GNAL: variants seen among roughly 807,000 people sequenced by gnomAD.
The protein encoded by GNAL is guanine nucleotide-binding protein G(olf) subunit alpha.
In GNAL, 18 loss-of-function variants were observed where a neutral mutation model predicts 55.1. The ratio of observed to expected loss-of-function variants is 0.33; its 90% CI spans 0.23 to 0.48. The LOEUF is 0.48. GNAL is among the 20% of genes least tolerant of loss of function. The probability of loss-of-function intolerance (pLI) is 0.99; values close to 1 mark genes in which losing one functional copy is unlikely to be tolerated. For synonymous variants in GNAL, 253 were observed against 237.0 expected, an observed-to-expected ratio of 1.07 and a Z score of -0.62; for missense variants, 412 against 614.1, an observed-to-expected ratio of 0.67 and a Z score of 3.48.
rs779034939 is a variant in GNAL, at chr18:11,868,508, C to A, written c.911-35C>A. 1.3e-6 allele frequency: 2 copies of A among 1,587,376 alleles called. No homozygotes were observed. Among genetic ancestry groups the A allele is most frequent in the South Asian group, 1.1e-5 (1 of 88,046 alleles). On this transcript the variant is annotated intron_variant, in intron 8 of 11. Transcript: ENST00000334049. The surrounding 1 kb of genome is among the most constrained non-coding windows in gnomAD (Gnocchi z 4.0). ...TCTTGTAACTCCACAGTGAGGATGTCTAACTGAGGTGCTTTCCTTTTTCTC... is the reference window on the plus strand; with the variant it reads ...TCTTGTAACTCCACAGTGAGGATGTATAACTGAGGTGCTTTCCTTTTTCTC...
intron 4 of GNAL, among the ~76,000 whole-genome samples, chr18:11,808,785 T>A (rs2034730897): frequency 6.6e-6 from 1 of 152,256 alleles, no homozygotes; most frequent in Non-Finnish European, 1.5e-5. Flanking sequence ...TCAACAAATG[T>A]GTCCGATCCA....
chr18:11,788,908 AAAAAAAATATAT>A (rs1457557756), intron 4 of GNAL, among the ~76,000 whole-genome samples: 3 of 73,312 alleles, frequency 4.1e-5, no homozygotes, highest in East Asian at 9.6e-4. Context: ...AAAAAAAAAA[AAAAAAAATATAT>A]ATATATATAT....
chr18:11,884,678 C>T lies in GNAL; in HGVS notation c.*3543C>T, dbSNP rs543037660. The T allele has an allele frequency of 9.1e-5, 143 of 1,566,424 alleles. 1 individual carries two copies. The South Asian group carries it at 1.6e-3, about 17-fold the overall frequency. ...CTGAGAGCACCAGGCACACGTTGAA[C>T]ACCGCAGTCTTAGAAACAGCAGAGG... On this transcript the variant is annotated 3_prime_UTR_variant, in exon 12 of 12. Transcript: ENST00000334049.
chr18:11,707,745 A>T (rs962937051), intron 1 of GNAL, among the ~76,000 whole-genome samples: 4 of 152,204 alleles, frequency 2.6e-5, no homozygotes, highest in Non-Finnish European at 5.9e-5. Context: ...TTCCACCTCC[A>T]TTGAAGGCTG....
intron 5 of GNAL, among the ~76,000 whole-genome samples, chr18:11,859,584 C>T (rs1194745809): frequency 6.6e-6 from 1 of 152,158 alleles, no homozygotes; most frequent in African/African-American, 2.4e-5. Context: ...CTGGAGCCAG[C>T]TCCACACCCT....
At chr18:11,703,950 G>T (rs1036521917) in intron 1 of GNAL, among the ~76,000 whole-genome samples, 4 of 152,130 alleles carry the variant, frequency 2.6e-5, no homozygotes, top group African/African-American at 9.7e-5. Flanking sequence ...TCTGCTGGTG[G>T]TGTTCAGCCT....
chr18:11,759,194 AAAGAAAAAAG>A (rs1364597420), intron 4 of GNAL, among the ~76,000 whole-genome samples: 3 of 152,192 alleles, frequency 2.0e-5, no homozygotes, highest in South Asian at 2.1e-4. Context: ...AAAAGGAAGA[AAAGAAAAAAG>A]AAGAAAAATG....
intron 1 of GNAL, among the ~76,000 whole-genome samples, chr18:11,731,484 C>T (rs7235676): frequency 0.016 from 2,401 of 152,270 alleles, 62 homozygotes; most frequent in African/African-American, 0.055. Context: ...TGAGGTTACC[C>T]TTGGCCAAGA....
At chr18:11,851,696 C>G (rs201261255) in intron 5 of GNAL, 1 of 1,613,956 alleles carries the variant, frequency 6.2e-7, no homozygotes, top group Non-Finnish European at 8.5e-7. Context: ...AAGAACCAGG[C>G]GGTGAATTTC....
chr18:11,817,837 C>T (rs1025282020), intron 4 of GNAL, among the ~76,000 whole-genome samples: 1 of 151,996 alleles, frequency 6.6e-6, no homozygotes, highest in African/African-American at 2.4e-5. Flanking sequence ...GATCCGCCCG[C>T]CTCAGCCTCC....
At chr18:11,789,037 A>C (rs2034157209) in intron 4 of GNAL, among the ~76,000 whole-genome samples, 1 of 150,978 alleles carries the variant, frequency 6.6e-6, no homozygotes. Context: ...CACAAGTTCC[A>C]TCTCTAGGCC....
At chr18:11,840,479 G>C (rs765083904) in intron 5 of GNAL, among the ~76,000 whole-genome samples, 31 of 152,216 alleles carry the variant, frequency 2.0e-4, no homozygotes, top group Admixed American at 1.2e-3. Flanking sequence ...TAAAATAGGA[G>C]ACTCAGCAGA....
chr18:11,851,845 T>C (rs2035877213), intron 5 of GNAL: 1 of 1,613,868 alleles, frequency 6.2e-7, no homozygotes, highest in Admixed American at 1.7e-5. Context: ...GGAGAAGATT[T>C]CTGCTTTGAT....
chr18:11,707,130 C>G (rs2031731854), intron 1 of GNAL, among the ~76,000 whole-genome samples: 1 of 152,212 alleles, frequency 6.6e-6, no homozygotes, highest in African/African-American at 2.4e-5. Context: ...GCCTCAGCCT[C>G]CCAAGTAACT....
intron 1 of GNAL, among the ~76,000 whole-genome samples, chr18:11,747,812 C>G (rs1051264743): frequency 3.3e-5 from 5 of 152,188 alleles, no homozygotes; most frequent in Non-Finnish European, 7.3e-5. Context: ...TTCAAATTCT[C>G]CACGAGGTGA....
intron 1 of GNAL, among the ~76,000 whole-genome samples, chr18:11,742,510 G>A (rs9955453): frequency 6.6e-6 from 1 of 152,204 alleles, no homozygotes; most frequent in Non-Finnish European, 1.5e-5. Flanking sequence ...TTCTTGTTCG[G>A]CATCCGCTAT....
At chr18:11,696,465 A>AC (rs1360863300) in intron 1 of GNAL, among the ~76,000 whole-genome samples, 5 of 151,116 alleles carry the variant, frequency 3.3e-5, no homozygotes, top group Non-Finnish European at 7.4e-5. Flanking sequence ...AGATCATGCC[A>AC]CTGCACTTAA....
At chr18:11,874,322 A>C (rs957589814) in intron 10 of GNAL, 1 of 152,098 alleles carries the variant, frequency 6.6e-6, no homozygotes, top group Non-Finnish European at 1.5e-5. Flanking sequence ...AGCAATTAAA[A>C]GGAACTAACA....
rs145560635 is a variant in GNAL at position 11,705,842 on chromosome 18, G to A, written c.376+15903G>A. Among the ~76,000 whole-genome samples the A allele has an allele frequency of 3.5e-3, 502 of 142,624 alleles. 7 individuals are homozygous for A. Among genetic ancestry groups the A allele is most frequent in the South Asian group, 0.017 (75 of 4,474 alleles). 93.6% of individuals were successfully genotyped at this position (142,624 alleles called of 152,430 possible). A position where few individuals can be genotyped will look rare whatever the true frequency, so the allele number is the denominator to read the frequency against. On this transcript the variant is annotated intron_variant, in intron 1 of 11. Coordinates refer to ENST00000334049, the MANE Select transcript of GNAL (RefSeq NM_182978.4). ...ACGATTTCGGCTCACTGCAACCTTC[G>A]CCTCCCAGGTCCAGGCGATTCCCCT...
Sources: allele counts gnomAD v4.1 joint callset (sites outside exome capture counted in the v4.1 genomes callset), GRCh38; gene constraint gnomAD v4.1.1; non-coding constraint Gnocchi (gnomAD v3.1); transcripts MANE v1.5; gene names NCBI Gene and HGNC (gene_info 2026-07-23, HGNC 2026-07-21).